The following ADNP2 variants were observed in gnomAD, a reference collection of about 807,000 sequenced individuals.
The protein encoded by ADNP2 is activity-dependent neuroprotector homeobox protein 2.
ADNP2 carries 8 observed loss-of-function variants against 16.4 expected under a neutral mutation model. The ratio of observed to expected loss-of-function variants is 0.49; its 90% CI spans 0.29 to 0.88. The LOEUF (loss-of-function observed/expected upper bound fraction) is 0.88, where lower values mean the gene tolerates loss of function less well. Ranked by LOEUF, ADNP2 falls within the 40% of genes least tolerant of loss-of-function variation. The pLI, the probability that ADNP2 is intolerant of heterozygous loss-of-function variation, is 0.09. For missense variants in ADNP2, 1,397 were observed against 1,395.1 expected, an observed-to-expected ratio of 1.00 and a Z score of -0.02; for synonymous variants, 637 against 545.8, an observed-to-expected ratio of 1.17 and a Z score of -2.33.
chr18:80,126,134 C>G (rs1417602716), intron 2 of ADNP2, among the ~76,000 whole-genome samples: 1 of 151,818 alleles, frequency 6.6e-6, no homozygotes, highest in East Asian at 1.9e-4. Flanking sequence ...TCCATTTTAT[C>G]TCTATTACTG....
At position 80,136,382 on chromosome 18, in the gene ADNP2, C is replaced by G. The variant is rs773422267; in HGVS notation, c.969C>G (p.Pro323=). The G allele has an allele frequency of 3.7e-6, 6 of 1,614,100 alleles. No homozygotes were observed. The highest frequency in any genetic ancestry group is 2.7e-5 in the African/African-American group (2 of 74,936). ...CCCCTGGAAGCCTCACTCATTCCCC[C>G]CCTGCTGCTGGCCAATCCCACATGA... The part of the protein sequence containing the change: ...QGAPGSLTHS[P]PAAGQSHMTL... The change falls in exon 4 of 4, where the codon CCC becomes CCG. Residue 323 remains proline, a synonymous_variant. Transcript: ENST00000262198.
chr18:80,117,750 ACTTCAGATGG>A (rs1334938301), intron 2 of ADNP2, 100 bp downstream of exon 2: 1 of 826,838 alleles, frequency 1.2e-6, no homozygotes, highest in East Asian at 2.8e-5. Context: ...TTGCTGTTAT[ACTTCAGATGG>A]CTGTGTGAAA....
rs1221052126 is a variant in ADNP2, at chr18:80,135,908, T to G, written c.495T>G (p.Thr165=). 3 of 1,614,098 alleles carry G rather than the reference T, an allele frequency of 1.9e-6. No individual in the cohort carries two copies. The highest frequency in any genetic ancestry group is 2.5e-6 in the Non-Finnish European group (3 of 1,180,046). Residue 165 remains threonine, a synonymous_variant, in exon 4 of 4, where the codon ACT becomes ACG. Coordinates refer to ENST00000262198, the MANE Select transcript of ADNP2 (RefSeq NM_014913.4). ...FTCLKCNFSN[T]LYYSMKKHVL... ...GTCTAAAATGTAACTTTTCAAACAC[T>G]TTGTACTACAGCATGAAGAAGCATG...
rs778138853 is a variant in ADNP2, at chr18:80,138,524, G to T, written c.3111G>T (p.Gln1037His). The change falls in exon 4 of 4, where the codon CAG becomes CAT. Residue 1037 changes from glutamine (Q) to histidine (H), a missense_variant. Physicochemically the swap from Gln to His is conservative, Grantham distance 24. Around this residue, in one of 3 missense-constraint regions of ADNP2, gnomAD observed 611 missense variants for 648.7 expected, o/e 0.94. Transcript: ENST00000262198. ...CTATTGTCAAGGACGAGGCTCTTCA[G>T]ATTTTAGCATTAGATCCTAAAAAAT... ...EGPIVKDEAL[Q>H]ILALDPKKYE... 3 of 1,614,022 alleles carry T rather than the reference G, an allele frequency of 1.9e-6. No homozygotes were observed. The Admixed American group carries it at 5.0e-5, about 27-fold the overall frequency.
At chr18:80,109,721 C>G (rs1389863933) in intron 1 of ADNP2, 1 of 150,988 alleles carries the variant, frequency 6.6e-6, no homozygotes, top group South Asian at 2.0e-4. Flanking sequence ...CGCCCGCCGC[C>G]GGTCACGTGG....
rs2052362702 is a variant in ADNP2 at position 80,112,304 on chromosome 18, ATAAAT to A, written c.-14+2835_-14+2839del. On this transcript the variant is annotated intron_variant, in intron 1 of 3. Coordinates refer to ENST00000262198, the MANE Select transcript of ADNP2 (RefSeq NM_014913.4). ...AATAAATTGTGGTAGCTTAGAATGG[ATAAAT>A]TATGGGTAAAAGTCAGCTTCCCATC... 5.9e-5 allele frequency among the ~76,000 whole-genome samples: 9 copies of A among 152,290 alleles called. No individual in the cohort carries two copies. In the South Asian group the frequency reaches 1.7e-3, roughly 28 times the overall value.
At chr18:80,119,953 A>G (rs1278290922) in intron 2 of ADNP2, among the ~76,000 whole-genome samples, 4 of 152,150 alleles carry the variant, frequency 2.6e-5, no homozygotes, top group African/African-American at 7.2e-5. Flanking sequence ...ACTTGGGACT[A>G]CAGTGGAATG....
intron 2 of ADNP2, among the ~76,000 whole-genome samples, chr18:80,125,807 T>C (rs931545960): frequency 6.6e-6 from 1 of 152,072 alleles, no homozygotes; most frequent in Non-Finnish European, 1.5e-5. Flanking sequence ...TGAGACACTG[T>C]CTCAAAAAAA....
rs2052568282 is a variant in ADNP2, at chr18:80,139,670, C to CTT, written c.*862_*863dup. On this transcript the variant is annotated 3_prime_UTR_variant, in exon 4 of 4. Coordinates refer to ENST00000262198, the MANE Select transcript of ADNP2 (RefSeq NM_014913.4). ...ATACACCCCAAAACTCTTCTCCTAACTTAACTACTCATAAACTAGTGAAAG... is the reference window on the plus strand; with the variant it reads ...ATACACCCCAAAACTCTTCTCCTAACTTTTAACTACTCATAAACTAGTGAAAG... The CTT allele has an allele frequency of 6.6e-6, 1 of 152,526 alleles. No individual in the cohort carries two copies. Among genetic ancestry groups the CTT allele is most frequent in the African/African-American group, 2.4e-5 (1 of 41,396 alleles). 9.4% of individuals were successfully genotyped at this position (152,526 alleles called of 1,614,324 possible).
Position 80,137,534 on chromosome 18 carries a change from C to G in ADNP2, c.2121C>G (p.Val707=). The G allele has an allele frequency of 6.2e-7, 1 of 1,614,266 alleles. No homozygotes were observed. The highest frequency in any genetic ancestry group is 8.5e-7 in the Non-Finnish European group (1 of 1,180,050). The change falls in exon 4 of 4, where the codon GTC becomes GTG. Residue 707 remains valine (V), a synonymous_variant. Transcript: ENST00000262198. This position sits in a 1 kb window ranked among gnomAD's most constrained non-coding sequence, Gnocchi z 4.2. ...PVCNELFPSN[V]YQVHMEVAHK... ...GCAACGAGCTCTTTCCGTCCAACGT[C>G]TACCAGGTCCACATGGAGGTAGCGC...
chr18:80,115,138 A>G (rs922703870), intron 1 of ADNP2, among the ~76,000 whole-genome samples: 70 of 152,230 alleles, frequency 4.6e-4, no homozygotes, highest in African/African-American at 1.7e-3. Flanking sequence ...GTTGGAAGGT[A>G]TTGTGTGTTT....
intron 1 of ADNP2, 174 bp downstream of exon 1, chr18:80,109,646 T>C (rs2052343877): frequency 1.3e-5 from 2 of 148,272 alleles, no homozygotes; most frequent in Admixed American, 6.7e-5. Flanking sequence ...CCCGGGACGT[T>C]CTCAGGGCGC....
intron 1 of ADNP2, among the ~76,000 whole-genome samples, chr18:80,110,394 T>C (rs997515476): frequency 3.3e-5 from 5 of 152,202 alleles, no homozygotes; most frequent in African/African-American, 1.2e-4. Context: ...TCTTGGGATC[T>C]TGAGGAATAT....
intron 3 of ADNP2, among the ~76,000 whole-genome samples, chr18:80,134,873 A>G (rs1489982505): frequency 6.6e-5 from 10 of 152,188 alleles, no homozygotes; most frequent in Non-Finnish European, 8.8e-5. Context: ...TGCATGGGCC[A>G]AACACTGTCC....
chr18:80,133,221 G>A (rs1318598487), intron 3 of ADNP2, 29 bp downstream of exon 3: 1 of 1,562,398 alleles, frequency 6.4e-7, no homozygotes, highest in Non-Finnish European at 8.8e-7. Context: ...TGTTTTTCAT[G>A]TTTCCTCAAA....
Position 80,135,669 on chromosome 18 carries a change from A to G in ADNP2, c.256A>G (p.Thr86Ala), listed in dbSNP as rs78503084. The change falls in exon 4 of 4, where the codon ACT becomes GCT. Residue 86 changes from threonine (T) to alanine (A), a missense_variant. Around this residue, in one of 3 missense-constraint regions of ADNP2, gnomAD observed 777 missense variants for 719.4 expected, o/e 1.08. Transcript: ENST00000262198. ...CTGTAAATACTCTACAAAGGTGCTT[A>G]CTTCATTCAAGAATCATTTACATCG... The part of the protein sequence containing the change: ...GLCKYSTKVL[T>A]SFKNHLHRYH... 9.5e-3 allele frequency: 15,327 copies of G among 1,614,224 alleles called. 109 individuals carry two copies. The highest frequency in any genetic ancestry group is 0.012 in the South Asian group (1,089 of 91,090).
In ADNP2 at chr18:80,136,387, C is replaced by T. The variant is rs142713661; in HGVS notation, c.974C>T (p.Ala325Val). The T allele has an allele frequency of 5.1e-4, 829 of 1,614,208 alleles. 2 individuals are homozygous for T. The African/African-American group carries it at 9.8e-3, about 19-fold the overall frequency. Residue 325 changes from alanine to valine, a missense_variant, in exon 4 of 4, where the codon GCT (alanine) becomes GTT (valine). Transcript: ENST00000262198. ...APGSLTHSPPAAGQSHMTLVS... is the reference protein window; with the variant it reads ...APGSLTHSPPVAGQSHMTLVS... ...GGAAGCCTCACTCATTCCCCCCCTG[C>T]TGCTGGCCAATCCCACATGACTCTG...
intron 2 of ADNP2, among the ~76,000 whole-genome samples, chr18:80,124,872 C>T (rs976103078): frequency 6.6e-6 from 1 of 152,056 alleles, no homozygotes; most frequent in Non-Finnish European, 1.5e-5. Context: ...GTTTCTGTGT[C>T]TATTTTCTAA....
chr18:80,128,502 T>C (rs974657651), intron 2 of ADNP2, among the ~76,000 whole-genome samples: 2 of 151,924 alleles, frequency 1.3e-5, no homozygotes, highest in African/African-American at 2.4e-5. Flanking sequence ...ATACAAAAAT[T>C]AGCCCGACGT....
Sources: allele counts gnomAD v4.1 joint callset (sites outside exome capture counted in the v4.1 genomes callset), GRCh38; gene constraint gnomAD v4.1.1; regional missense constraint gnomAD v4.1.1; non-coding constraint Gnocchi (gnomAD v3.1); transcripts MANE v1.5; gene names NCBI Gene and HGNC (gene_info 2026-07-23, HGNC 2026-07-21).